The following MAB21L4 variants were observed in gnomAD, a reference collection of about 807,000 sequenced individuals.
MAB21L4 encodes protein mab-21-like 4.
MAB21L4 carries 25 observed loss-of-function variants against 32.4 expected under a neutral mutation model. The observed-to-expected ratio is 0.77, with a 90% confidence interval of 0.56 to 1.08. The LOEUF (loss-of-function observed/expected upper bound fraction) is 1.08. Ranked by LOEUF, MAB21L4 falls within the 50% of genes least tolerant of loss-of-function variation. The pLI, the probability that MAB21L4 is intolerant of heterozygous loss-of-function variation, is 0.00. For synonymous variants in MAB21L4, 280 were observed against 276.8 expected (o/e 1.01, Z -0.11); for missense variants, 638 against 611.0 (o/e 1.04, Z -0.47).
chr2:240,894,974 C>T (rs777395153), intron 1 of MAB21L4, among the ~76,000 whole-genome samples: 12 of 152,342 alleles, frequency 7.9e-5, no homozygotes, highest in Non-Finnish European at 1.2e-4. Flanking sequence ...CTCACGCGCA[C>T]GCAGGCAGGC....
chr2:240,895,890 G>C lies in MAB21L4; in HGVS notation c.108C>G (p.Phe36Leu). The C allele has an allele frequency of 3.9e-6, 6 of 1,535,672 alleles. No homozygotes were observed. Among genetic ancestry groups the C allele is most frequent in the Non-Finnish European group, 5.3e-6 (6 of 1,139,868 alleles). The change falls in exon 1 of 5, where the codon TTC becomes TTG. Residue 36 changes from phenylalanine to leucine, a missense_variant. Transcript: ENST00000388934. ...TGAGCAGCACGTTCTCTGCGCGCTG[G>C]AAGTCCTGGGCACGCGGCGCCTCCC... ...RSREAPRAQDFQRAENVLLTV... is the reference protein window; with the variant it reads ...RSREAPRAQDLQRAENVLLTV...
chr2:240,894,496 G>A (rs1162579279), intron 1 of MAB21L4, among the ~76,000 whole-genome samples: 1 of 152,130 alleles, frequency 6.6e-6, no homozygotes, highest in Non-Finnish European at 1.5e-5. Context: ...ACTCACCCTG[G>A]ACCATATCAA....
At position 240,888,572 on chromosome 2, in the gene MAB21L4, A is replaced by T; in HGVS notation, c.971T>A (p.Leu324Gln). 6.2e-7 allele frequency: 1 copy of T among 1,608,572 alleles called. No individual in the cohort carries two copies. Among genetic ancestry groups the T allele is most frequent in the Non-Finnish European group, 8.5e-7 (1 of 1,178,816 alleles). Reference protein sequence around the residue: ...WAELQGAVYRLLVVLLCCLAT... With the variant: ...WAELQGAVYRQLVVLLCCLAT... ...CAGGCAACAGAGCAGCACCACCAGC[A>T]GGCGGTACACGGCGCCCTGCAGTTC... Residue 324 changes from leucine to glutamine, a missense_variant, in exon 4 of 5, where the codon CTG (leucine) becomes CAG (glutamine). Leu to Gln is a moderately radical substitution (Grantham distance 113, BLOSUM62 -2). Coordinates refer to ENST00000388934, the MANE Select transcript of MAB21L4 (RefSeq NM_001085437.3).
intron 4 of MAB21L4, among the ~76,000 whole-genome samples, chr2:240,887,972 G>A (rs1044447400): frequency 3.3e-5 from 5 of 152,198 alleles, no homozygotes; most frequent in African/African-American, 9.7e-5. Context: ...TCCAGGGTGG[G>A]CAGCTGGGGC....
At position 240,888,577 on chromosome 2, in the gene MAB21L4, G is replaced by A. The variant is rs1318325268; in HGVS notation, c.966C>T (p.Tyr322=). The A allele has an allele frequency of 6.2e-7, 1 of 1,608,022 alleles. No individual in the cohort carries two copies. The highest frequency in any genetic ancestry group is 2.2e-5 in the East Asian group (1 of 44,780). The change falls in exon 4 of 5, where the codon TAC becomes TAT. Residue 322 remains tyrosine, a synonymous_variant. Coordinates refer to ENST00000388934, the MANE Select transcript of MAB21L4 (RefSeq NM_001085437.3). ...EDWAELQGAV[Y]RLLVVLLCCL... ...AACAGAGCAGCACCACCAGCAGGCG[G>A]TACACGGCGCCCTGCAGTTCTGCCC...
In MAB21L4 at chr2:240,895,916, G is replaced by T; in HGVS notation, c.82C>A (p.Arg28=). 1 of 1,514,106 alleles carries T rather than the reference G, an allele frequency of 6.6e-7. No homozygotes were observed. The highest frequency in any genetic ancestry group is 8.8e-7 in the Non-Finnish European group (1 of 1,131,664). 93.8% of individuals were successfully genotyped at this position (1,514,106 alleles called of 1,614,324 possible). ...AAGTCCTGGGCACGCGGCGCCTCCC[G>T]GGACCGGATGGCCTGCAGGTAGTGG... ...WHHYLQAIRS[R]EAPRAQDFQR... The change falls in exon 1 of 5, where the codon CGG becomes AGG. Residue 28 remains arginine, a synonymous_variant. Coordinates refer to ENST00000388934, the MANE Select transcript of MAB21L4 (RefSeq NM_001085437.3).
At position 240,891,758 on chromosome 2, in the gene MAB21L4, G is replaced by A. The variant is rs199581838; in HGVS notation, c.520C>T (p.Leu174=). ...TCCTCCCTCAGGCTGGCCGCGTTCAGCGAACCTGCAAAGACCCAAGTCACG... is the reference window on the plus strand; with the variant it reads ...TCCTCCCTCAGGCTGGCCGCGTTCAACGAACCTGCAAAGACCCAAGTCACG... ...KHHSLIAPGS[L]NAASLREEQL... The change falls in exon 2 of 5, where the codon CTG becomes TTG. Residue 174 remains leucine, a synonymous_variant. Coordinates refer to ENST00000388934, the MANE Select transcript of MAB21L4 (RefSeq NM_001085437.3). 657 of 1,608,008 alleles carry A rather than the reference G, an allele frequency of 4.1e-4. 2 individuals are homozygous for A. The highest frequency in any genetic ancestry group is 1.2e-4 in the Admixed American group (7 of 59,906).
rs2059097616 is a variant in MAB21L4 at position 240,886,652 on chromosome 2, G to A, written c.*418C>T. 1 of 158,538 alleles carries A rather than the reference G, an allele frequency of 6.3e-6. No homozygotes were observed. The highest frequency in any genetic ancestry group is 2.4e-5 in the African/African-American group (1 of 41,736). 9.8% of individuals were successfully genotyped at this position (158,538 alleles called of 1,614,324 possible). A position where few individuals can be genotyped will look rare whatever the true frequency, so the allele number is the denominator to read the frequency against. Reference sequence around the variant, plus strand: ...TATTTTCCACACTGATATACAAAAAGTGGACAGTACCCTTTCTGCTGTGTA... The same window carrying A: ...TATTTTCCACACTGATATACAAAAAATGGACAGTACCCTTTCTGCTGTGTA... On this transcript the variant is annotated 3_prime_UTR_variant, in exon 5 of 5. Transcript: ENST00000388934.
Position 240,891,558 on chromosome 2 carries a change from CG to C in MAB21L4, c.719del (p.Pro240ArgfsTer53), listed in dbSNP as rs1446031264. Reference sequence around the variant, plus strand: ...CCTACCTCCAGAGCTGGGCGCTGGCCGGCACCAGGTCCACCCCTTGGCTGAG... The same window carrying C: ...CCTACCTCCAGAGCTGGGCGCTGGCCGCACCAGGTCCACCCCTTGGCTGAG... Reference protein sequence around the residue: ...RILSQGVDLVPASAQLWRTST... With the variant: ...RILSQGVDLVXASAQLWRTST... On this transcript the variant is annotated frameshift_variant, in exon 2 of 5. Transcript: ENST00000388934. LOFTEE classifies it high-confidence loss of function. The C allele has an allele frequency of 6.2e-7, 1 of 1,610,246 alleles. No individual in the cohort carries two copies. Among genetic ancestry groups the C allele is most frequent in the Non-Finnish European group, 8.5e-7 (1 of 1,179,504 alleles).
At chr2:240,888,697 C>G (rs1204588693) in intron 3 of MAB21L4, 49 bp from the exon 4 acceptor site, 5 of 1,352,328 alleles carry the variant, frequency 3.7e-6, no homozygotes, top group African/African-American at 3.1e-5. Context: ...CCCGGCCCAC[C>G]CTGTGCTCCC....
Position 240,888,394 on chromosome 2 carries a change from G to T in MAB21L4, c.1149C>A (p.Ser383Arg). Residue 383 changes from serine to arginine, a missense_variant, in exon 4 of 5, where the codon AGC becomes AGA. Coordinates refer to ENST00000388934, the MANE Select transcript of MAB21L4 (RefSeq NM_001085437.3). ...LRIHATHLGR[S>R]PPPRIGSGLK... ...GCCCGGAGCCGATGCGCGGCGGGGG[G>T]CTGCGGCCCAGGTGGGTGGCGTGGA... The T allele has an allele frequency of 3.9e-6, 6 of 1,557,694 alleles. No homozygotes were observed. Among genetic ancestry groups the T allele is most frequent in the Non-Finnish European group, 5.2e-6 (6 of 1,155,002 alleles).
intron 4 of MAB21L4, 69 bp from the exon 5 acceptor site, chr2:240,887,231 G>T: frequency 7.6e-7 from 1 of 1,319,932 alleles, no homozygotes; most frequent in South Asian, 1.2e-5. Context: ...TCTCAGGGCC[G>T]AGAGCACAGC....
At position 240,890,115 on chromosome 2, in the gene MAB21L4, C is replaced by T; in HGVS notation, c.784G>A (p.Gly262Ser). 4 of 1,611,700 alleles carry T rather than the reference C, an allele frequency of 2.5e-6. No individual in the cohort carries two copies. The highest frequency in any genetic ancestry group is 3.4e-6 in the Non-Finnish European group (4 of 1,178,650). ...TCCAGGCGATGACCCTGCAGGGAGC[C>T]CAGCTCCCCCAGCAGCCTCGTGAGC... The part of the protein sequence containing the change: ...YLLTRLLGEL[G>S]SLQGHRLDSL... The change falls in exon 3 of 5, where the codon GGC becomes AGC. Residue 262 changes from glycine to serine, a missense_variant. By Grantham distance (56) the Gly-to-Ser change is moderately conservative. Coordinates refer to ENST00000388934, the MANE Select transcript of MAB21L4 (RefSeq NM_001085437.3).
chr2:240,895,615 G>T lies in MAB21L4; in HGVS notation c.383C>A (p.Thr128Asn), dbSNP rs374762608. ...AGLERWTTED[T>N]FTASSEGDAK... ...GTCACCCTCCGAGGAGGCAGTGAAG[G>T]TATCCTCGGTGGTCCACCGCTCCAG... The change falls in exon 1 of 5, where the codon ACC (threonine) becomes AAC (asparagine). Residue 128 changes from threonine (T) to asparagine (N), a missense_variant. By Grantham distance (65) the Thr-to-Asn change is moderately conservative. Coordinates refer to ENST00000388934, the MANE Select transcript of MAB21L4 (RefSeq NM_001085437.3). 5 of 1,612,744 alleles carry T rather than the reference G, an allele frequency of 3.1e-6. No individual in the cohort carries two copies. The African/African-American group carries it at 6.7e-5, about 22-fold the overall frequency.
intron 3 of MAB21L4, among the ~76,000 whole-genome samples, 171 bp downstream of exon 3, chr2:240,889,834 A>T (rs2059128319): frequency 6.6e-6 from 1 of 152,196 alleles, no homozygotes; most frequent in African/African-American, 2.4e-5. Context: ...GACCCTCAGG[A>T]GCCACGGCCT....
Position 240,888,534 on chromosome 2 carries a change from G to A in MAB21L4, c.1009C>T (p.Leu337=). The A allele has an allele frequency of 6.2e-7, 1 of 1,608,330 alleles. No individual in the cohort carries two copies. The change falls in exon 4 of 5, where the codon CTG becomes TTG. Residue 337 remains leucine, a synonymous_variant. Coordinates refer to ENST00000388934, the MANE Select transcript of MAB21L4 (RefSeq NM_001085437.3). The part of the protein sequence containing the change: ...VLLCCLATRK[L]PHFLHPQRNL... ...CGCTGCGGGTGGAGGAAGTGGGGCA[G>A]CTTCCGCGTGGCCAGGCAACAGAGC...
chr2:240,889,184 C>T (rs2059123874), intron 3 of MAB21L4, among the ~76,000 whole-genome samples: 1 of 152,206 alleles, frequency 6.6e-6, no homozygotes, highest in Admixed American at 6.5e-5. Context: ...GCTTTTCAAA[C>T]CCTCTTCTCC....
At chr2:240,892,873 G>T (rs1257892308) in intron 1 of MAB21L4, among the ~76,000 whole-genome samples, 1 of 152,182 alleles carries the variant, frequency 6.6e-6, no homozygotes, top group Admixed American at 6.5e-5. Context: ...CTGTTCCAGG[G>T]TGTAATGGGG....
intron 4 of MAB21L4, among the ~76,000 whole-genome samples, 183 bp downstream of exon 4, chr2:240,888,109 A>G (rs1404794089): frequency 6.6e-6 from 1 of 152,102 alleles, no homozygotes; most frequent in East Asian, 1.9e-4. Flanking sequence ...GGGGACCCCC[A>G]CGGCCCGTGT....
Sources: gnomAD v4.1 joint callset for allele counts (sites outside exome capture counted in the v4.1 genomes callset) on GRCh38, gnomAD v4.1.1 for gene constraint, MANE v1.5 for transcripts, NCBI Gene and HGNC (gene_info 2026-07-23, HGNC 2026-07-21) for gene names.